FAM13B: variants seen among roughly 807,000 people sequenced by gnomAD.
FAM13B encodes the protein protein FAM13B.
FAM13B carries 60 observed loss-of-function variants against 117.3 expected under a neutral mutation model. The observed-to-expected ratio is 0.51, with a 90% CI of 0.42 to 0.63. The LOEUF (loss-of-function observed/expected upper bound fraction) is 0.63, where lower values mean the gene tolerates loss of function less well. Among genes scored for constraint, FAM13B ranks in the 30% least tolerant of loss-of-function variants. FAM13B has a pLI of 0.00. For synonymous variants in FAM13B, 332 were observed against 356.1 expected, an observed-to-expected ratio of 0.93 and a Z score of 0.76; for missense variants, 972 against 1,091.9, an observed-to-expected ratio of 0.89 and a Z score of 1.55.
intron 10 of FAM13B, among the ~76,000 whole-genome samples, chr5:137,968,240 T>C (rs1770723449): frequency 1.6e-5 from 2 of 126,244 alleles, no homozygotes; most frequent in East Asian, 4.6e-4. Context: ...AAAAAGTCAA[T>C]GTAAAAGAAA....
intron 7 of FAM13B, among the ~76,000 whole-genome samples, chr5:137,995,859 T>C (rs1477233378): frequency 6.6e-6 from 1 of 152,216 alleles, no homozygotes; most frequent in East Asian, 1.9e-4. Flanking sequence ...TTTTTAACTC[T>C]AATAAAATTT....
intron 20 of FAM13B, among the ~76,000 whole-genome samples, chr5:137,943,779 T>C (rs922419489): frequency 1.3e-5 from 2 of 152,166 alleles, no homozygotes; most frequent in South Asian, 2.1e-4. Flanking sequence ...AACATACATA[T>C]AGTTTAATGG....
intron 1 of FAM13B, among the ~76,000 whole-genome samples, chr5:138,041,194 G>A (rs1276624920): frequency 6.6e-6 from 1 of 152,036 alleles, no homozygotes; most frequent in East Asian, 1.9e-4. Context: ...AATGTTAAGA[G>A]AAAATTACCA....
chr5:137,962,615 T>C, intron 10 of FAM13B, 146 bp from the exon 11 acceptor site: 2 of 629,616 alleles, frequency 3.2e-6, no homozygotes, highest in Non-Finnish European at 5.4e-6. Context: ...GTACTTAGCA[T>C]CTCTTTTTAC....
At chr5:138,016,548 C>T (rs1785312407) in intron 4 of FAM13B, among the ~76,000 whole-genome samples, 1 of 152,098 alleles carries the variant, frequency 6.6e-6, no homozygotes, top group Non-Finnish European at 1.5e-5. Flanking sequence ...GCGAGAGGAT[C>T]ACTTGAGCCC....
chr5:138,003,602 T>A (rs1480018195), intron 7 of FAM13B, among the ~76,000 whole-genome samples: 1 of 152,158 alleles, frequency 6.6e-6, no homozygotes, highest in Non-Finnish European at 1.5e-5. Context: ...AATAGCCCTG[T>A]TTTCCCATGG....
intron 4 of FAM13B, among the ~76,000 whole-genome samples, chr5:138,013,117 G>A (rs768592324): frequency 1.3e-5 from 2 of 152,082 alleles, no homozygotes; most frequent in Non-Finnish European, 2.9e-5. Context: ...GTGAGAGGAT[G>A]GCTTGAGCCT....
rs758211589 is a variant in FAM13B at position 137,988,310 on chromosome 5, T to C, written c.854A>G (p.His285Arg). The change falls in exon 8 of 24, where the codon CAT becomes CGT. Residue 285 changes from histidine to arginine, a missense_variant. Transcript: ENST00000689681. ...ESNSVTATST[H>R]ISPISILPAS... ...TGGTAGGATGCTGATGGGAGATATATGGGTGCTGCAATCAAAGAAAGAAAT... is the reference window on the plus strand; with the variant it reads ...TGGTAGGATGCTGATGGGAGATATACGGGTGCTGCAATCAAAGAAAGAAAT... 37 of 1,560,798 alleles carry C rather than the reference T, an allele frequency of 2.4e-5. No homozygotes were observed. In the Admixed American group the frequency reaches 4.0e-4, roughly 17 times the overall value.
intron 1 of FAM13B, among the ~76,000 whole-genome samples, chr5:138,024,891 G>A (rs1289640249): frequency 2.8e-5 from 2 of 70,932 alleles, no homozygotes; most frequent in African/African-American, 7.7e-5. Flanking sequence ...TTTTTTTTGA[G>A]ACAGAGTCTT....
intron 5 of FAM13B, 136 bp from the exon 6 acceptor site, chr5:138,011,285 AACCT>A: frequency 1.3e-6 from 1 of 762,366 alleles, no homozygotes. Flanking sequence ...CCATCTGTAA[AACCT>A]ACCTAATTTG....
Position 137,952,572 on chromosome 5 carries a change from T to TTAA in FAM13B, c.1930+53_1930+55dup, listed in dbSNP as rs765663081. On this transcript the variant is annotated intron_variant, in intron 17 of 23. Coordinates refer to ENST00000689681, the MANE Select transcript of FAM13B (RefSeq NM_001385994.1). ...AAGTTGTATTTGTGATTCTCAGACA[T>TTAA]TAATATAAAAAAATTTTTAAAATGC... 60 of 1,089,788 alleles carry TTAA rather than the reference T, an allele frequency of 5.5e-5. No individual in the cohort carries two copies. The Middle Eastern group carries it at 7.3e-4, about 13-fold the overall frequency. 67.5% of individuals were successfully genotyped at this position (1,089,788 alleles called of 1,614,324 possible).
upstream of FAM13B, among the ~76,000 whole-genome samples, chr5:138,035,307 G>A (rs1027186552): frequency 4.0e-5 from 6 of 151,642 alleles, no homozygotes; most frequent in South Asian, 2.1e-4. Context: ...CACCGTGCCC[G>A]GCCTCCCTTG....
rs1289803664 is a variant in FAM13B, at chr5:138,007,079, C to T, written c.759G>A (p.Glu253=). The T allele has an allele frequency of 1.2e-6, 2 of 1,613,646 alleles. No individual in the cohort carries two copies. Among genetic ancestry groups the T allele is most frequent in the Admixed American group, 3.3e-5 (2 of 59,920 alleles). ...GCATGTCATTTGATTTTTCTGCACC[C>T]TCTTCTGGAAGTTCTTCAATATGTT... The part of the protein sequence containing the change: ...KLEHIEELPE[E]GAEKSNDMPE... Residue 253 remains glutamate, a synonymous_variant, in exon 7 of 24, where the codon GAG becomes GAA. Coordinates refer to ENST00000689681, the MANE Select transcript of FAM13B (RefSeq NM_001385994.1).
In FAM13B at chr5:138,033,021, G is replaced by T; in HGVS notation, c.-442C>A. ...ACGCGGAACAGGGGGAGAGAGTGGC[G>T]ACAGAGGCGGCGGCTGAGGTGCAGA... On this transcript the variant is annotated 5_prime_UTR_variant, in exon 1 of 24. Transcript: ENST00000689681. The T allele has an allele frequency of 3.0e-6, 3 of 986,844 alleles. No homozygotes were observed. The highest frequency in any genetic ancestry group is 3.6e-6 in the Non-Finnish European group (3 of 831,096). The allele number at this position is 986,844 out of a possible 1,614,324, so 61.1% of individuals were successfully genotyped here.
At chr5:138,050,882 C>T (rs1399383476) in intron 1 of FAM13B, among the ~76,000 whole-genome samples, 1 of 152,142 alleles carries the variant, frequency 6.6e-6, no homozygotes, top group African/African-American at 2.4e-5. Context: ...ACATCTTCAC[C>T]CTTCTGTTAA....
intron 7 of FAM13B, among the ~76,000 whole-genome samples, chr5:137,997,872 G>C (rs1034016949): frequency 1.3e-5 from 2 of 152,188 alleles, no homozygotes; most frequent in Non-Finnish European, 2.9e-5. Context: ...GCTGACATTT[G>C]CATGTTTTCA....
chr5:137,958,130 C>G (rs372551503), intron 13 of FAM13B, among the ~76,000 whole-genome samples: 39 of 152,332 alleles, frequency 2.6e-4, no homozygotes, highest in Non-Finnish European at 4.7e-4. Context: ...GCAAGGGATG[C>G]TCTGTCGACC....
intron 10 of FAM13B, among the ~76,000 whole-genome samples, chr5:137,970,589 G>A (rs1250527967): frequency 6.6e-6 from 1 of 151,922 alleles, no homozygotes; most frequent in Non-Finnish European, 1.5e-5. Flanking sequence ...CATAATGACA[G>A]GATCAAATTC....
chr5:138,036,152 C>A, upstream of FAM13B: 5 of 341,456 alleles, frequency 1.5e-5, no homozygotes, highest in South Asian at 9.1e-5. Flanking sequence ...ACATCATTCT[C>A]ACTGTAGTTC....
Sources: allele counts gnomAD v4.1 joint callset (sites outside exome capture counted in the v4.1 genomes callset), GRCh38; gene constraint gnomAD v4.1.1; transcripts MANE v1.5; gene names NCBI Gene and HGNC (gene_info 2026-07-23, HGNC 2026-07-21).